Variants in BEGAIN observed in about 807,000 individuals in gnomAD.
BEGAIN encodes the protein brain-enriched guanylate kinase-associated protein.
BEGAIN carries 19 observed loss-of-function variants against 35.8 expected under a neutral mutation model. That is an observed-to-expected ratio of 0.53 (90% CI 0.37 to 0.78). The LOEUF (loss-of-function observed/expected upper bound fraction) is 0.78, where lower values mean the gene tolerates loss of function less well. Among genes scored for constraint, BEGAIN ranks in the 30% least tolerant of loss-of-function variants. The probability of loss-of-function intolerance (pLI) is 0.00; values close to 1 mark genes in which losing one functional copy is unlikely to be tolerated. For missense variants in BEGAIN, 795 were observed against 853.6 expected (o/e 0.93, Z 0.85); for synonymous variants, 462 against 388.6 (o/e 1.19, Z -2.22).
In BEGAIN at chr14:100,537,427, T is replaced by C. The variant is rs1272246970; in HGVS notation, c.*542A>G. ...AAGAATGGATTTTTAAAACACTTCA[T>C]AGCCCCGAATTTGTTTCAGCTCCCT... On this transcript the variant is annotated 3_prime_UTR_variant, in exon 7 of 7. Transcript: ENST00000554140. The C allele has an allele frequency of 6.5e-6, 1 of 152,700 alleles. No individual in the cohort carries two copies. The highest frequency in any genetic ancestry group is 1.5e-5 in the Non-Finnish European group (1 of 68,356). The allele number at this position is 152,700 out of a possible 1,614,324, so 9.5% of individuals were successfully genotyped here.
intron 1 of BEGAIN, among the ~76,000 whole-genome samples, chr14:100,571,741 C>T (rs1413248465): frequency 6.6e-6 from 1 of 152,186 alleles, no homozygotes; most frequent in East Asian, 1.9e-4. Context: ...CCCCCATGCC[C>T]AGCAGCCTCC....
chr14:100,584,226 A>G (rs979589766), intron 1 of BEGAIN, among the ~76,000 whole-genome samples: 1 of 152,184 alleles, frequency 6.6e-6, no homozygotes, highest in African/African-American at 2.4e-5. Flanking sequence ...ACTTGGGCTC[A>G]GGGCTTGCTG....
At chr14:100,562,987 A>G (rs6575792) in intron 2 of BEGAIN, among the ~76,000 whole-genome samples, 81,108 of 152,124 alleles carry the variant, frequency 0.53, 23,448 homozygotes, top group African/African-American at 0.76. Context: ...GGGCCGGCTC[A>G]CGGGGCCCAC....
intron 1 of BEGAIN, among the ~76,000 whole-genome samples, chr14:100,581,392 G>A (rs974449085): frequency 1.7e-4 from 26 of 152,084 alleles, no homozygotes; most frequent in African/African-American, 6.0e-4. Flanking sequence ...GGATGCTGCC[G>A]GCTACCGTGG....
At chr14:100,579,173 T>C (rs992474022) in intron 1 of BEGAIN, among the ~76,000 whole-genome samples, 4 of 152,260 alleles carry the variant, frequency 2.6e-5, no homozygotes, top group Non-Finnish European at 5.9e-5. Context: ...CTTCTGGTAC[T>C]TCTTTAACTT....
At position 100,537,943 on chromosome 14, in the gene BEGAIN, C is replaced by A; in HGVS notation, c.*26G>T. The A allele has an allele frequency of 6.3e-7, 1 of 1,581,882 alleles. No individual in the cohort carries two copies. The highest frequency in any genetic ancestry group is 8.6e-7 in the Non-Finnish European group (1 of 1,165,336). ...GGCACGTGGGCTGGCGGGGAGCGAACCACGGCCAGGCCTGCACGCAGGCGC... is the reference window on the plus strand; with the variant it reads ...GGCACGTGGGCTGGCGGGGAGCGAAACACGGCCAGGCCTGCACGCAGGCGC... On this transcript the variant is annotated 3_prime_UTR_variant, in exon 7 of 7. Coordinates refer to ENST00000554140, the MANE Select transcript of BEGAIN (RefSeq NM_001385089.1).
rs964001969 is a variant in BEGAIN at position 100,586,085 on chromosome 14, C to T, written c.42+1164G>A. On this transcript the variant is annotated intron_variant, in intron 1 of 6. Transcript: ENST00000554140. This position sits in a 1 kb window ranked among gnomAD's most constrained non-coding sequence, Gnocchi z 4.9. ...AGCCACCCCCAACGGCCAGTTGCCC[C>T]TGCTGGCAAGACCAAGGCCAGCCTG... 1.3e-5 allele frequency among the ~76,000 whole-genome samples: 2 copies of T among 152,266 alleles called. No homozygotes were observed. Among genetic ancestry groups the T allele is most frequent in the African/African-American group, 4.8e-5 (2 of 41,476 alleles).
At chr14:100,545,460 TAAC>T in intron 3 of BEGAIN, 1 of 1,019,680 alleles carries the variant, frequency 9.8e-7, no homozygotes, top group Non-Finnish European at 1.2e-6. Context: ...GGAAGAAACT[TAAC>T]ACTAACTATG....
intron 2 of BEGAIN, among the ~76,000 whole-genome samples, chr14:100,557,459 G>C (rs1373264775): frequency 6.6e-6 from 1 of 152,168 alleles, no homozygotes. Flanking sequence ...TGGGGACCCC[G>C]TGCGGTCCCA....
At position 100,537,786 on chromosome 14, in the gene BEGAIN, G is replaced by A; in HGVS notation, c.*183C>T. On this transcript the variant is annotated 3_prime_UTR_variant, in exon 7 of 7. Transcript: ENST00000554140. The stretch of plus-strand genomic sequence containing the variant: ...CGGGCCGGGGCCGGGTGGACACCGT[G>A]GTGTGGGGGACCCTCCCCTCAGGCC... The A allele has an allele frequency of 2.2e-6, 2 of 912,752 alleles. No homozygotes were observed. The highest frequency in any genetic ancestry group is 3.1e-6 in the Non-Finnish European group (2 of 646,060). 56.5% of individuals were successfully genotyped at this position (912,752 alleles called of 1,614,324 possible). A position where few individuals can be genotyped will look rare whatever the true frequency, so the allele number is the denominator to read the frequency against.
rs2035437255 is a variant in BEGAIN, at chr14:100,586,017, T to C, written c.42+1232A>G. On this transcript the variant is annotated intron_variant, in intron 1 of 6. Transcript: ENST00000554140. This position sits in a 1 kb window ranked among gnomAD's most constrained non-coding sequence, Gnocchi z 4.9. ...GGTTTGCAGGATGCTGCTGGGGCCC[T>C]CTCTGCCGTCTCCCCGCCCTGCGTG... 6.6e-6 allele frequency among the ~76,000 whole-genome samples: 1 copy of C among 152,186 alleles called. No individual in the cohort carries two copies. The highest frequency in any genetic ancestry group is 1.5e-5 in the Non-Finnish European group (1 of 68,030).
At chr14:100,540,345 A>G in intron 6 of BEGAIN, 151 bp downstream of exon 6, 1 of 661,638 alleles carries the variant, frequency 1.5e-6, no homozygotes, top group East Asian at 2.7e-5. Flanking sequence ...CTCCAATGTC[A>G]TGACCCCACA....
intron 2 of BEGAIN, among the ~76,000 whole-genome samples, chr14:100,555,159 C>T (rs1020087494): frequency 6.6e-5 from 10 of 152,382 alleles, no homozygotes; most frequent in African/African-American, 1.4e-4. Context: ...GGCCCAGGGC[C>T]GAGTCCTCGC....
At position 100,586,916 on chromosome 14, in the gene BEGAIN, G is replaced by A. The variant is rs1390942148; in HGVS notation, c.42+333C>T. Among the ~76,000 whole-genome samples the A allele has an allele frequency of 6.6e-6, 1 of 151,968 alleles. No individual in the cohort carries two copies. Among genetic ancestry groups the A allele is most frequent in the African/African-American group, 2.4e-5 (1 of 41,418 alleles). On this transcript the variant is annotated intron_variant, in intron 1 of 6. Transcript: ENST00000554140. The surrounding 1 kb of genome is among the most constrained non-coding windows in gnomAD (Gnocchi z 4.9). Reference sequence around the variant, plus strand: ...ACAGCGGCGGGTCCCCAGTCCTCCGGCCGCGCCCTTGGTCACCCGTCCCTC... The same window carrying A: ...ACAGCGGCGGGTCCCCAGTCCTCCGACCGCGCCCTTGGTCACCCGTCCCTC...
At chr14:100,584,113 C>T (rs2035384794) in intron 1 of BEGAIN, among the ~76,000 whole-genome samples, 1 of 152,222 alleles carries the variant, frequency 6.6e-6, no homozygotes, top group African/African-American at 2.4e-5. Flanking sequence ...GCTTCTCCAC[C>T]TCATGCACCT....
At chr14:100,577,545 G>T (rs2035227881) in intron 1 of BEGAIN, 1 of 399,140 alleles carries the variant, frequency 2.5e-6, no homozygotes, top group Non-Finnish European at 4.4e-6. Context: ...GCTCTGGGCT[G>T]CGGCCTCTGG....
At position 100,573,091 on chromosome 14, in the gene BEGAIN, C is replaced by T. The variant is rs2035120451; in HGVS notation, c.43-5152G>A. On this transcript the variant is annotated intron_variant, in intron 1 of 6. Coordinates refer to ENST00000554140, the MANE Select transcript of BEGAIN (RefSeq NM_001385089.1). This position sits in a 1 kb window ranked among gnomAD's most constrained non-coding sequence, Gnocchi z 4.2. ...GGCAGGGTGGGGCAGGAAAGGGGTG[C>T]AGTGATGAACACAGAGGCCCGGATG... 6.6e-6 allele frequency among the ~76,000 whole-genome samples: 1 copy of T among 151,570 alleles called. No individual in the cohort carries two copies. The highest frequency in any genetic ancestry group is 1.9e-4 in the East Asian group (1 of 5,154).
chr14:100,548,597 G>GC (rs2032839255), intron 2 of BEGAIN: 1 of 152,432 alleles, frequency 6.6e-6, no homozygotes, highest in Non-Finnish European at 1.5e-5. Context: ...CCCTCACCCA[G>GC]CCCTGCCCCT....
intron 2 of BEGAIN, among the ~76,000 whole-genome samples, chr14:100,565,725 C>CT (rs1290401552): frequency 6.6e-6 from 1 of 152,156 alleles, no homozygotes. Context: ...CAGAGACCCT[C>CT]TACCTGGGCC....
Sources: allele counts gnomAD v4.1 joint callset (sites outside exome capture counted in the v4.1 genomes callset), GRCh38; gene constraint gnomAD v4.1.1; non-coding constraint Gnocchi (gnomAD v3.1); transcripts MANE v1.5; gene names NCBI Gene and HGNC (gene_info 2026-07-23, HGNC 2026-07-21).